Variants in ITGAE observed in about 807,000 individuals in gnomAD.
ITGAE encodes the protein integrin alpha-E.
A neutral mutation model predicts 136.5 loss-of-function variants in ITGAE; 99 were observed. The ratio of observed to expected loss-of-function variants is 0.73; its 90% CI spans 0.62 to 0.86. ITGAE has a LOEUF of 0.86. ITGAE is among the 40% of genes least tolerant of loss of function. The pLI, the probability that ITGAE is intolerant of heterozygous loss-of-function variation, is 0.00. For synonymous variants in ITGAE, 613 were observed against 591.8 expected (o/e 1.04, Z -0.52); for missense variants, 1,447 against 1,515.3 (o/e 0.95, Z 0.75).
At chr17:3,723,583 G>T in intron 27 of ITGAE, 105 bp downstream of exon 27, 1 of 1,240,122 alleles carries the variant, frequency 8.1e-7, no homozygotes, top group South Asian at 1.4e-5. Flanking sequence ...GGCAGCCCCC[G>T]GCACTGGCCG....
intron 21 of ITGAE, among the ~76,000 whole-genome samples, chr17:3,734,058 C>T (rs1029744995): frequency 1.3e-5 from 2 of 152,160 alleles, no homozygotes; most frequent in African/African-American, 4.8e-5. Context: ...CTACTTCAAA[C>T]AGCAAAGTTT....
At chr17:3,718,826 G>A (rs1232842285) in intron 29 of ITGAE, among the ~76,000 whole-genome samples, 2 of 152,174 alleles carry the variant, frequency 1.3e-5, no homozygotes, top group Non-Finnish European at 2.9e-5. Flanking sequence ...TGTATGGCTT[G>A]GATTTTCTTG....
At chr17:3,724,953 A>G in intron 26 of ITGAE, 2 of 1,613,864 alleles carry the variant, frequency 1.2e-6, no homozygotes, top group African/African-American at 1.3e-5. Context: ...AAGCCGGAAG[A>G]GCAAACATCA....
At chr17:3,771,698 G>A (rs995841300) in intron 2 of ITGAE, among the ~76,000 whole-genome samples, 10 of 151,656 alleles carry the variant, frequency 6.6e-5, no homozygotes, top group East Asian at 1.9e-4. Flanking sequence ...CACCACACCC[G>A]GCTAATTTTT....
At position 3,751,740 on chromosome 17, in the gene ITGAE, C is replaced by T; in HGVS notation, c.1803G>A (p.Leu601=). 1.2e-6 allele frequency: 2 copies of T among 1,614,066 alleles called. No homozygotes were observed. Among genetic ancestry groups the T allele is most frequent in the Non-Finnish European group, 1.7e-6 (2 of 1,179,976 alleles). ...CACCATCATCTGCCCCAAAACCTTC[C>T]AGGGGGGCCCCGATGGCCACATCTG... The part of the protein sequence containing the change: ...KLTDVAIGAP[L]EGFGADDGAS... The change falls in exon 15 of 31, where the codon CTG becomes CTA. Residue 601 remains leucine, a synonymous_variant. Transcript: ENST00000263087.
chr17:3,761,267 C>A (rs1266507777), intron 5 of ITGAE, 90 bp from the exon 6 acceptor site: 9 of 1,552,060 alleles, frequency 5.8e-6, no homozygotes, highest in South Asian at 1.2e-5. Flanking sequence ...TGATTCCTTT[C>A]ACGTGATGCC....
chr17:3,788,450 T>C (rs1387594447), intron 1 of ITGAE, among the ~76,000 whole-genome samples: 1 of 142,078 alleles, frequency 7.0e-6, no homozygotes, highest in Non-Finnish European at 1.5e-5. Context: ...CCACCAGACC[T>C]GACTAATTTT....
intron 1 of ITGAE, among the ~76,000 whole-genome samples, chr17:3,797,556 G>A (rs908599701): frequency 5.3e-5 from 8 of 151,038 alleles, no homozygotes; most frequent in Non-Finnish European, 1.2e-4. Context: ...TGCCTCCTGG[G>A]TTCAAGCAAT....
intron 30 of ITGAE, among the ~76,000 whole-genome samples, chr17:3,716,398 T>C (rs2050944525): frequency 6.6e-6 from 1 of 152,186 alleles, no homozygotes; most frequent in Non-Finnish European, 1.5e-5. Flanking sequence ...CAGGCCCTAT[T>C]GAACTCACAG....
intron 21 of ITGAE, 145 bp downstream of exon 21, chr17:3,734,672 A>T (rs879090700): frequency 2.1e-6 from 2 of 940,130 alleles, no homozygotes; most frequent in Non-Finnish European, 3.2e-6. Context: ...ACTGGCGGGG[A>T]TTTATCTAGT....
chr17:3,781,559 G>A (rs910616668), intron 1 of ITGAE, among the ~76,000 whole-genome samples: 6 of 151,912 alleles, frequency 3.9e-5, no homozygotes, highest in South Asian at 2.1e-4. Context: ...GTTTCACCAC[G>A]TTGGCCAGGA....
intron 26 of ITGAE, chr17:3,725,396 T>A: frequency 1.9e-6 from 3 of 1,614,196 alleles, no homozygotes; most frequent in Non-Finnish European, 2.5e-6. Context: ...TGCAACGCTG[T>A]GAGAAGATTG....
At chr17:3,730,528 TAGA>T (rs1157273379) in intron 23 of ITGAE, 1 of 152,558 alleles carries the variant, frequency 6.6e-6, no homozygotes, top group Non-Finnish European at 1.5e-5. Flanking sequence ...AGACCACACT[TAGA>T]AGAATACTGA....
chr17:3,783,443 C>T (rs117485135), intron 1 of ITGAE, among the ~76,000 whole-genome samples: 1 of 152,310 alleles, frequency 6.6e-6, no homozygotes, highest in Non-Finnish European at 1.5e-5. Context: ...CGCGCCTAGC[C>T]CCCACTGTCA....
Position 3,725,905 on chromosome 17 carries a change from TAAA to T in ITGAE, c.3084+2011_3084+2013del, listed in dbSNP as rs776175262. On this transcript the variant is annotated intron_variant, in intron 26 of 30. Transcript: ENST00000263087. ...GACTTACACTGGGGGAACGTGCTCT[TAAA>T]GAAAACCAGCCTCAAAAAACTCCAC... 4.3e-6 allele frequency: 7 copies of T among 1,613,060 alleles called. No homozygotes were observed. The South Asian group carries it at 7.7e-5, about 18-fold the overall frequency.
chr17:3,753,032 G>A (rs1049109361), intron 14 of ITGAE, among the ~76,000 whole-genome samples: 10 of 152,224 alleles, frequency 6.6e-5, no homozygotes, highest in Admixed American at 2.0e-4. Flanking sequence ...TGGGCAACGA[G>A]AGCAAAACTC....
intron 12 of ITGAE, among the ~76,000 whole-genome samples, chr17:3,754,362 C>A (rs970287145): frequency 9.2e-5 from 14 of 152,196 alleles, no homozygotes; most frequent in Non-Finnish European, 1.9e-4. Context: ...ACCTCCCCCT[C>A]CCGGGTTCAA....
At chr17:3,729,950 A>G (rs189586391) in intron 23 of ITGAE, among the ~76,000 whole-genome samples, 15 of 152,222 alleles carry the variant, frequency 9.9e-5, no homozygotes, top group African/African-American at 3.4e-4. Flanking sequence ...ACATAGGTGA[A>G]CGTGTGCCAT....
At chr17:3,740,982 C>T (rs1430890506) in intron 19 of ITGAE, among the ~76,000 whole-genome samples, 1 of 151,912 alleles carries the variant, frequency 6.6e-6, no homozygotes, top group Non-Finnish European at 1.5e-5. Context: ...CTTTCTACTT[C>T]CTGCGGAAGG....
Sources: gnomAD v4.1 joint callset for allele counts (sites outside exome capture counted in the v4.1 genomes callset) on GRCh38, gnomAD v4.1.1 for gene constraint, MANE v1.5 for transcripts, NCBI Gene and HGNC (gene_info 2026-07-23, HGNC 2026-07-21) for gene names.